The following SPTAN1 variants were observed in gnomAD, a reference collection of about 807,000 sequenced individuals.
SPTAN1 encodes the protein spectrin alpha, non-erythrocytic 1.
SPTAN1 carries 61 observed loss-of-function variants against 331.3 expected under a neutral mutation model. The observed-to-expected ratio is 0.18, with a 90% CI of 0.15 to 0.23. SPTAN1 has a LOEUF of 0.23. Ranked by LOEUF, SPTAN1 falls within the 10% of genes least tolerant of loss-of-function variation. The probability of loss-of-function intolerance (pLI) is 1.00; values close to 1 mark genes in which losing one functional copy is unlikely to be tolerated. For synonymous variants in SPTAN1, 1,153 were observed against 1,173.9 expected (o/e 0.98, Z 0.36); for missense variants, 2,043 against 3,147.9 (o/e 0.65, Z 8.40).
chr9:128,628,101 T>C (rs1388357939), intron 51 of SPTAN1, 159 bp downstream of exon 51: 1 of 941,030 alleles, frequency 1.1e-6, no homozygotes, highest in Non-Finnish European at 1.7e-6. Flanking sequence ...GAGGAGTGTG[T>C]GCCTTGCCCC....
intron 27 of SPTAN1, among the ~76,000 whole-genome samples, chr9:128,602,023 A>G (rs1220195765): frequency 6.6e-6 from 1 of 152,194 alleles, no homozygotes; most frequent in Non-Finnish European, 1.5e-5. Flanking sequence ...TTCTGATAAC[A>G]TAAGTATTCT....
In SPTAN1 at chr9:128,627,672, G is replaced by A. The variant is rs547300818; in HGVS notation, c.6689+174G>A. On this transcript the variant is annotated intron_variant, in intron 50 of 56. Coordinates refer to ENST00000372739, the MANE Select transcript of SPTAN1 (RefSeq NM_001130438.3). This position sits in a 1 kb window ranked among gnomAD's most constrained non-coding sequence, Gnocchi z 4.9. ...TCTGGAGCCGGGAGTGGGGGCATAGGTGGAGCAGCCTCTCAGTGCTGCATG... is the reference window on the plus strand; with the variant it reads ...TCTGGAGCCGGGAGTGGGGGCATAGATGGAGCAGCCTCTCAGTGCTGCATG... 1.8e-5 allele frequency: 14 copies of A among 790,178 alleles called. No homozygotes were observed. The East Asian group carries it at 2.5e-4, about 14-fold the overall frequency. The allele number at this position is 790,178 out of a possible 1,614,324, so 48.9% of individuals were successfully genotyped here. A position where few individuals can be genotyped will look rare whatever the true frequency, so the allele number is the denominator to read the frequency against.
rs897971809 is a variant in SPTAN1, at chr9:128,624,398, A to G, written c.5903A>G (p.Lys1968Arg). 1 of 1,614,048 alleles carries G rather than the reference A, an allele frequency of 6.2e-7. No homozygotes were observed. The highest frequency in any genetic ancestry group is 8.5e-7 in the Non-Finnish European group (1 of 1,180,018). ...GLNGKVSDLE[K>R]AAAQRKAKLD... ...AACGGGAAAGTGTCAGACCTGGAGAAAGCTGCAGCCCAGAGAAAGGCGAAG... is the reference window on the plus strand; with the variant it reads ...AACGGGAAAGTGTCAGACCTGGAGAGAGCTGCAGCCCAGAGAAAGGCGAAG... The change falls in exon 46 of 57, where the codon AAA (lysine) becomes AGA (arginine). Residue 1968 changes from lysine (K) to arginine (R), a missense_variant. This residue lies in a region of SPTAN1 where 323 missense variants were observed against 581.1 expected (regional missense o/e 0.56). Coordinates refer to ENST00000372739, the MANE Select transcript of SPTAN1 (RefSeq NM_001130438.3).
At chr9:128,626,010 C>T (rs765881182) in intron 48 of SPTAN1, 32 bp downstream of exon 48, 1 of 1,610,824 alleles carries the variant, frequency 6.2e-7, no homozygotes, top group Non-Finnish European at 8.5e-7. Flanking sequence ...GCTTAGCTGG[C>T]CCACAGCTCA....
At chr9:128,593,512 GATA>G (rs1312617869) in intron 23 of SPTAN1, 2 of 206,670 alleles carry the variant, frequency 9.7e-6, no homozygotes, top group Non-Finnish European at 2.0e-5. Flanking sequence ...CGTGTTCAAA[GATA>G]ATATTTCAGC....
intron 1 of SPTAN1, chr9:128,555,445 C>T (rs1848523897): frequency 7.8e-7 from 1 of 1,283,420 alleles, no homozygotes; most frequent in South Asian, 1.2e-5. Context: ...TTGGTTTTGC[C>T]TGGCTTGCAG....
chr9:128,626,331 G>A (rs780417994), intron 48 of SPTAN1, 60 bp from the exon 49 acceptor site: 2 of 1,599,210 alleles, frequency 1.3e-6, no homozygotes, highest in Middle Eastern at 4.3e-4. Flanking sequence ...CCCACCTCCT[G>A]CACTGCGTCG....
At chr9:128,569,507 T>G (rs1002606580) in intron 3 of SPTAN1, among the ~76,000 whole-genome samples, 2 of 151,386 alleles carry the variant, frequency 1.3e-5, no homozygotes, top group African/African-American at 4.9e-5. Flanking sequence ...CTGCTTCGTT[T>G]CACATATCTA....
intron 31 of SPTAN1, among the ~76,000 whole-genome samples, chr9:128,607,176 CTTTTTTTTTTA>C (rs1221509094): frequency 6.8e-6 from 1 of 147,338 alleles, no homozygotes; most frequent in African/African-American, 2.5e-5. Context: ...TCTTTTTTTT[CTTTTTTTTTTA>C]GAGACAGGGT....
chr9:128,625,617 G>GA lies in SPTAN1; in HGVS notation c.6070-149dup, dbSNP rs1051464322. 1 of 769,624 alleles carries GA rather than the reference G, an allele frequency of 1.3e-6. No homozygotes were observed. The highest frequency in any genetic ancestry group is 2.3e-6 in the Non-Finnish European group (1 of 442,264). 47.7% of individuals were successfully genotyped at this position (769,624 alleles called of 1,614,324 possible). ...TGATCTGCGGTCTGAAGGAGAGCAGGAAAGGGGGCATGTGTGACTGAGTCT... is the reference window on the plus strand; with the variant it reads ...TGATCTGCGGTCTGAAGGAGAGCAGGAAAAGGGGGCATGTGTGACTGAGTCT... On this transcript the variant is annotated intron_variant, in intron 47 of 56. Transcript: ENST00000372739. The surrounding 1 kb of genome is among the most constrained non-coding windows in gnomAD (Gnocchi z 4.1).
Position 128,632,208 on chromosome 9 carries a change from A to G in SPTAN1, c.6844A>G (p.Ile2282Val). The G allele has an allele frequency of 6.2e-7, 1 of 1,613,528 alleles. No individual in the cohort carries two copies. The highest frequency in any genetic ancestry group is 8.5e-7 in the Non-Finnish European group (1 of 1,180,022). Residue 2282 changes from isoleucine (I) to valine (V), a missense_variant, in exon 53 of 57, where the codon ATC becomes GTC. Around this residue, in one of 12 missense-constraint regions of SPTAN1, gnomAD observed 256 missense variants for 376.4 expected, o/e 0.68. Coordinates refer to ENST00000372739, the MANE Select transcript of SPTAN1 (RefSeq NM_001130438.3). ...DLGAAMEEALILDNKYTEHST... is the reference protein window; with the variant it reads ...DLGAAMEEALVLDNKYTEHST... ...GGGGGCCGCCATGGAGGAGGCCCTC[A>G]TCCTGGACAACAAGTACACGGAGCA...
Position 128,608,206 on chromosome 9 carries a change from G to T in SPTAN1, c.4421G>T (p.Gly1474Val). ...REAFLNTEDKGDSLDSVEALI... is the reference protein window; with the variant it reads ...REAFLNTEDKVDSLDSVEALI... ...GCCTTCTTGAATACCGAAGACAAAG[G>T]AGACTCACTGGACAGCGTAGAGGCT... The change falls in exon 34 of 57, where the codon GGA becomes GTA. Residue 1474 changes from glycine to valine, a missense_variant. By Grantham distance (109) the Gly-to-Val change is moderately radical. Transcript: ENST00000372739. 6.2e-7 allele frequency: 1 copy of T among 1,614,164 alleles called. No individual in the cohort carries two copies. Among genetic ancestry groups the T allele is most frequent in the South Asian group, 1.1e-5 (1 of 91,090 alleles).
intron 1 of SPTAN1, among the ~76,000 whole-genome samples, chr9:128,556,055 A>C (rs1848603886): frequency 6.6e-6 from 1 of 152,028 alleles, no homozygotes; most frequent in African/African-American, 2.4e-5. Context: ...CCCCATCTCT[A>C]CTAAAAATAC....
chr9:128,613,472 T>C lies in SPTAN1; in HGVS notation c.5135T>C (p.Ile1712Thr), dbSNP rs1485055980. The C allele has an allele frequency of 3.1e-6, 5 of 1,614,164 alleles. No individual in the cohort carries two copies. Among genetic ancestry groups the C allele is most frequent in the African/African-American group, 1.3e-5 (1 of 75,062 alleles). Reference sequence around the variant, plus strand: ...AAGCATCAACTGCTGGAAGCAGATATATCTGCCCATGAGGTAAGCAAAGGG... The same window carrying C: ...AAGCATCAACTGCTGGAAGCAGATACATCTGCCCATGAGGTAAGCAAAGGG... ...LKKHQLLEAD[I>T]SAHEDRLKDL... Residue 1712 changes from isoleucine (I) to threonine (T), a missense_variant, in exon 40 of 57, where the codon ATA becomes ACA. Transcript: ENST00000372739.
intron 36 of SPTAN1, 39 bp downstream of exon 36, chr9:128,609,323 T>C (rs1013999424): frequency 9.9e-6 from 16 of 1,613,842 alleles, no homozygotes; most frequent in Non-Finnish European, 1.4e-5. Context: ...TGATGTAGCC[T>C]TATGTTATTG....
At chr9:128,624,126 T>C (rs1470994904) in intron 45 of SPTAN1, among the ~76,000 whole-genome samples, 1 of 144,036 alleles carries the variant, frequency 6.9e-6, no homozygotes, top group Non-Finnish European at 1.5e-5. Flanking sequence ...TTCCTAAAAG[T>C]AGAATTGTCA....
rs778121117 is a variant in SPTAN1, at chr9:128,582,556, T to C, written c.1650T>C (p.Ala550=). 6.8e-6 allele frequency: 11 copies of C among 1,613,624 alleles called. No homozygotes were observed. Among genetic ancestry groups the C allele is most frequent in the Admixed American group, 1.7e-5 (1 of 60,002 alleles). ...AAGATGTGGCCACTCGCCGAGATGC[T>C]GTAAGTTTGTAGGTTCTTCATGCTC... ...AMEDVATRRD[A]LLSRRNALHE... Residue 550 remains alanine (A), a splice_region_variant and synonymous_variant, in exon 13 of 57, where the codon GCT becomes GCC. Transcript: ENST00000372739.
intron 48 of SPTAN1, 95 bp from the exon 49 acceptor site, chr9:128,626,296 C>CG: frequency 6.8e-7 from 1 of 1,474,654 alleles, no homozygotes; most frequent in African/African-American, 1.4e-5. Flanking sequence ...GTGTGCGCCT[C>CG]TGATTCCCAG....
At position 128,624,612 on chromosome 9, in the gene SPTAN1, C is replaced by A. The variant is rs1174813335; in HGVS notation, c.5992+125C>A. On this transcript the variant is annotated intron_variant, in intron 46 of 56. Coordinates refer to ENST00000372739, the MANE Select transcript of SPTAN1 (RefSeq NM_001130438.3). Reference sequence around the variant, plus strand: ...TGTGGGCATGGCAGAGAACCTACTACCAGGGCAGACCACTGACTGCCAGCT... The same window carrying A: ...TGTGGGCATGGCAGAGAACCTACTAACAGGGCAGACCACTGACTGCCAGCT... 4 of 1,216,912 alleles carry A rather than the reference C, an allele frequency of 3.3e-6. No individual in the cohort carries two copies. In the African/African-American group the frequency reaches 4.5e-5, roughly 14 times the overall value. 75.4% of individuals were successfully genotyped at this position (1,216,912 alleles called of 1,614,324 possible).
Sources: allele counts gnomAD v4.1 joint callset (sites outside exome capture counted in the v4.1 genomes callset), GRCh38; gene constraint gnomAD v4.1.1; regional missense constraint gnomAD v4.1.1; non-coding constraint Gnocchi (gnomAD v3.1); transcripts MANE v1.5; gene names NCBI Gene and HGNC (gene_info 2026-07-23, HGNC 2026-07-21).